Variants in TRDN observed in about 807,000 individuals in gnomAD.
TRDN encodes triadin in skeletal muscle.
TRDN carries 161 observed loss-of-function variants against 149.7 expected under a neutral mutation model. The observed-to-expected ratio is 1.08, with a 90% CI of 0.95 to 1.23. The LOEUF (loss-of-function observed/expected upper bound fraction) is 1.23, where lower values mean the gene tolerates loss of function less well. TRDN is among the 50% of genes most tolerant of loss of function. The pLI, the probability that TRDN is intolerant of heterozygous loss-of-function variation, is 0.00. For missense variants in TRDN, 896 were observed against 823.5 expected (o/e 1.09, Z -1.08); for synonymous variants, 294 against 250.5 (o/e 1.17, Z -1.64).
chr6:123,490,244 C>T (rs968571076), intron 9 of TRDN, among the ~76,000 whole-genome samples: 3 of 152,192 alleles, frequency 2.0e-5, no homozygotes, highest in Non-Finnish European at 4.4e-5. Context: ...TCCAAGATAT[C>T]CAGTAGATAC....
At chr6:123,357,828 G>C (rs1780741482) in intron 20 of TRDN, among the ~76,000 whole-genome samples, 1 of 152,100 alleles carries the variant, frequency 6.6e-6, no homozygotes, top group African/African-American at 2.4e-5. Context: ...TTCAACGATG[G>C]GTTCATAATT....
In TRDN at chr6:123,627,414, A is replaced by G. The variant is rs575347301; in HGVS notation, c.22+9340T>C. 8.6e-5 allele frequency among the ~76,000 whole-genome samples: 13 copies of G among 152,002 alleles called. No homozygotes were observed. In the East Asian group the frequency reaches 2.3e-3, roughly 27 times the overall value. ...ATACTTTGGAAGAATTTTTTTTTTG[A>G]GTAGTAAATCTCAACAGTGGGCTTA... On this transcript the variant is annotated intron_variant, in intron 1 of 40. Transcript: ENST00000334268.
In TRDN at chr6:123,302,334, A is replaced by G. The variant is rs367695709; in HGVS notation, c.1510+14123T>C. Among the ~76,000 whole-genome samples, 3 of 152,250 alleles carry G rather than the reference A, an allele frequency of 2.0e-5. No individual in the cohort carries two copies. The East Asian group carries it at 5.8e-4, about 29-fold the overall frequency. ...TAAAGGCAGTTTACCCTTGATATACATGTTCTTCTAGCTAAATATGGGTTT... is the reference window on the plus strand; with the variant it reads ...TAAAGGCAGTTTACCCTTGATATACGTGTTCTTCTAGCTAAATATGGGTTT... On this transcript the variant is annotated intron_variant, in intron 24 of 40. Coordinates refer to ENST00000334268, the MANE Select transcript of TRDN (RefSeq NM_006073.4).
chr6:123,403,242 G>T (rs1421461225), intron 12 of TRDN, among the ~76,000 whole-genome samples: 1 of 152,056 alleles, frequency 6.6e-6, no homozygotes, highest in African/African-American at 2.4e-5. Flanking sequence ...TAAATAAAAA[G>T]AAATAAAATT....
Position 123,510,655 on chromosome 6 carries a change from T to A in TRDN, c.610+1648A>T, listed in dbSNP as rs943042445. On this transcript the variant is annotated intron_variant, in intron 7 of 40. Transcript: ENST00000334268. ...TATGCATGACCACTTTTTTTTTTTT[T>A]TTTTTATTTAGACAGTCTCACTCTG... Among the ~76,000 whole-genome samples, 219 of 151,958 alleles carry A rather than the reference T, an allele frequency of 1.4e-3. 1 individual carries two copies. The highest frequency in any genetic ancestry group is 3.5e-3 in the South Asian group (17 of 4,814).
At chr6:123,604,661 G>C (rs1784441057) in intron 1 of TRDN, among the ~76,000 whole-genome samples, 1 of 152,114 alleles carries the variant, frequency 6.6e-6, no homozygotes, top group South Asian at 2.1e-4. Context: ...GAAGAATAGA[G>C]AGAAAGAGAT....
chr6:123,615,135 A>G (rs184724093), intron 1 of TRDN, among the ~76,000 whole-genome samples: 1 of 152,306 alleles, frequency 6.6e-6, no homozygotes, highest in Non-Finnish European at 1.5e-5. Context: ...TCTATTATCA[A>G]AAAGACAAAA....
At chr6:123,453,243 A>G (rs1441680551) in intron 10 of TRDN, among the ~76,000 whole-genome samples, 1 of 152,236 alleles carries the variant, frequency 6.6e-6, no homozygotes, top group East Asian at 1.9e-4. Flanking sequence ...AATAAAAACA[A>G]AGATAAATAG....
intron 13 of TRDN, among the ~76,000 whole-genome samples, chr6:123,392,701 C>G (rs1582960248): frequency 6.6e-6 from 1 of 152,008 alleles, no homozygotes; most frequent in South Asian, 2.1e-4. Flanking sequence ...TGCTCACAGA[C>G]AACATCCTCG....
intron 9 of TRDN, among the ~76,000 whole-genome samples, chr6:123,472,482 T>C (rs1406188275): frequency 2.6e-5 from 4 of 152,144 alleles, no homozygotes; most frequent in Non-Finnish European, 4.4e-5. Context: ...GATCAAACTG[T>C]AAGGCGGCAG....
intron 2 of TRDN, among the ~76,000 whole-genome samples, chr6:123,549,115 T>G (rs1266049639): frequency 6.6e-6 from 1 of 152,046 alleles, no homozygotes; most frequent in Non-Finnish European, 1.5e-5. Flanking sequence ...TCTGGAATAG[T>G]CAAGTTAGTG....
intron 24 of TRDN, among the ~76,000 whole-genome samples, chr6:123,289,567 C>G (rs1219837316): frequency 6.6e-6 from 1 of 152,082 alleles, no homozygotes; most frequent in Non-Finnish European, 1.5e-5. Context: ...CGTGCCATGT[C>G]AATTTACCAT....
intron 2 of TRDN, among the ~76,000 whole-genome samples, chr6:123,568,003 G>A (rs556587831): frequency 6.6e-6 from 1 of 152,274 alleles, no homozygotes; most frequent in African/African-American, 2.4e-5. Context: ...CTATGAGCCT[G>A]TAAAATCAAA....
intron 9 of TRDN, among the ~76,000 whole-genome samples, chr6:123,472,222 G>A (rs567218917): frequency 1.1e-3 from 171 of 152,296 alleles, no homozygotes; most frequent in African/African-American, 3.8e-3. Context: ...CAGTGGGTGC[G>A]CGCACCGTGC....
intron 2 of TRDN, among the ~76,000 whole-genome samples, chr6:123,569,747 C>T (rs899361524): frequency 2.0e-5 from 3 of 151,958 alleles, no homozygotes; most frequent in African/African-American, 7.3e-5. Flanking sequence ...CTTAAACAAC[C>T]AGATCTCATG....
At chr6:123,585,685 G>T (rs528946935) in intron 1 of TRDN, among the ~76,000 whole-genome samples, 144 of 152,234 alleles carry the variant, frequency 9.5e-4, no homozygotes, top group African/African-American at 3.2e-3. Context: ...CAGATGGGAC[G>T]TGGCTTAGGA....
chr6:123,585,752 G>T (rs1444101324), intron 1 of TRDN, among the ~76,000 whole-genome samples: 3 of 152,096 alleles, frequency 2.0e-5, no homozygotes, highest in African/African-American at 7.2e-5. Flanking sequence ...GGCACTTGTA[G>T]CAAGCTCCTG....
chr6:123,349,111 GAGTT>G (rs965177687), intron 21 of TRDN, among the ~76,000 whole-genome samples: 38 of 152,066 alleles, frequency 2.5e-4, no homozygotes, highest in Admixed American at 6.6e-4. Flanking sequence ...TGGAAAGAAA[GAGTT>G]AGAAAAGAAG....
intron 24 of TRDN, 95 bp from the exon 25 acceptor site, chr6:123,279,177 A>AT (rs1777489978): frequency 9.7e-7 from 1 of 1,028,706 alleles, no homozygotes; most frequent in Non-Finnish European, 1.4e-6. Flanking sequence ...GAAAATAAAA[A>AT]TGAAACAATG....
Sources: gnomAD v4.1 joint callset for allele counts (sites outside exome capture counted in the v4.1 genomes callset) on GRCh38, gnomAD v4.1.1 for gene constraint, MANE v1.5 for transcripts, NCBI Gene and HGNC (gene_info 2026-07-23, HGNC 2026-07-21) for gene names.